SUPT5H: variants seen among roughly 807,000 people sequenced by gnomAD.
The protein encoded by SUPT5H is transcription elongation factor SPT5.
In SUPT5H, 24 loss-of-function variants were observed where a neutral mutation model predicts 142.5. That is an observed-to-expected ratio of 0.17 (90% CI 0.12 to 0.24). The LOEUF (loss-of-function observed/expected upper bound fraction) is 0.24. Among genes scored for constraint, SUPT5H ranks in the 10% least tolerant of loss-of-function variants. The probability of loss-of-function intolerance (pLI) is 1.00; values close to 1 mark genes in which losing one functional copy is unlikely to be tolerated. For synonymous variants in SUPT5H, 546 were observed against 553.0 expected (o/e 0.99, Z 0.18); for missense variants, 893 against 1,471.8 (o/e 0.61, Z 6.43).
At chr19:39,454,823 A>G (rs1479939114) in intron 3 of SUPT5H, among the ~76,000 whole-genome samples, 1 of 152,078 alleles carries the variant, frequency 6.6e-6, no homozygotes, top group Non-Finnish European at 1.5e-5. Context: ...TGAGAAGAAA[A>G]GTAGTTTATT....
chr19:39,452,881 C>T (rs991414135), intron 2 of SUPT5H, among the ~76,000 whole-genome samples: 8 of 151,836 alleles, frequency 5.3e-5, no homozygotes, highest in Admixed American at 1.3e-4. Flanking sequence ...GGTGTGGTGG[C>T]GCACACCTGT....
chr19:39,454,445 A>G (rs755438873), intron 3 of SUPT5H, among the ~76,000 whole-genome samples: 1 of 148,646 alleles, frequency 6.7e-6, no homozygotes. Context: ...CCTGGGTTCA[A>G]CTGTTTCTCC....
In SUPT5H at chr19:39,469,221, T is replaced by C; in HGVS notation, c.1238-41T>C. On this transcript the variant is annotated intron_variant, in intron 15 of 29. Coordinates refer to ENST00000432763, the MANE Select transcript of SUPT5H (RefSeq NM_001111020.3). The surrounding 1 kb of genome is among the most constrained non-coding windows in gnomAD (Gnocchi z 5.1). ...TGGGCCAAGGAGCAGGGGCGGCCCATGGTGGCAACCCCCGAGTCAGCCCTA... is the reference window on the plus strand; with the variant it reads ...TGGGCCAAGGAGCAGGGGCGGCCCACGGTGGCAACCCCCGAGTCAGCCCTA... 1 of 1,614,074 alleles carries C rather than the reference T, an allele frequency of 6.2e-7. No homozygotes were observed. Among genetic ancestry groups the C allele is most frequent in the Non-Finnish European group, 8.5e-7 (1 of 1,179,980 alleles).
At chr19:39,475,814 C>G in intron 28 of SUPT5H, 1 of 476,608 alleles carries the variant, frequency 2.1e-6, no homozygotes, top group Non-Finnish European at 3.8e-6. Flanking sequence ...GACGCTGAGG[C>G]CAGTTTGGGA....
Position 39,472,780 on chromosome 19 carries a change from G to A in SUPT5H, c.2036-30G>A. 6.2e-7 allele frequency: 1 copy of A among 1,600,524 alleles called. No individual in the cohort carries two copies. The highest frequency in any genetic ancestry group is 8.5e-7 in the Non-Finnish European group (1 of 1,172,778). On this transcript the variant is annotated intron_variant, in intron 21 of 29. Transcript: ENST00000432763. This position sits in a 1 kb window ranked among gnomAD's most constrained non-coding sequence, Gnocchi z 4.2. ...GCCCTTGCTGTGGGCACAGCCGTGG[G>A]GGACCAGTGACATTCTCCCCAATCC...
chr19:39,468,177 A>C (rs1408209794), intron 13 of SUPT5H: 1 of 152,790 alleles, frequency 6.5e-6, no homozygotes, highest in Non-Finnish European at 1.5e-5. Flanking sequence ...TGGGAGTCCC[A>C]CCTGCCTGCT....
At chr19:39,457,106 C>T (rs1414089430) in intron 3 of SUPT5H, among the ~76,000 whole-genome samples, 3 of 152,198 alleles carry the variant, frequency 2.0e-5, no homozygotes, top group Non-Finnish European at 2.9e-5. Flanking sequence ...ACCATGGAGC[C>T]AGACTGCCTC....
chr19:39,472,776 G>A lies in SUPT5H; in HGVS notation c.2036-34G>A, dbSNP rs200071339. Reference sequence around the variant, plus strand: ...TGGTGCCCTTGCTGTGGGCACAGCCGTGGGGGACCAGTGACATTCTCCCCA... The same window carrying A: ...TGGTGCCCTTGCTGTGGGCACAGCCATGGGGGACCAGTGACATTCTCCCCA... On this transcript the variant is annotated intron_variant, in intron 21 of 29. Transcript: ENST00000432763. The surrounding 1 kb of genome is among the most constrained non-coding windows in gnomAD (Gnocchi z 4.2). The A allele has an allele frequency of 3.5e-5, 56 of 1,597,914 alleles. No individual in the cohort carries two copies. In the East Asian group the frequency reaches 6.7e-4, roughly 19 times the overall value.
Position 39,472,411 on chromosome 19 carries a change from C to G in SUPT5H, c.1953C>G (p.Pro651=), listed in dbSNP as rs772630739. The change falls in exon 21 of 30, where the codon CCC becomes CCG. Residue 651 remains proline (P), a splice_region_variant and synonymous_variant. Coordinates refer to ENST00000432763, the MANE Select transcript of SUPT5H (RefSeq NM_001111020.3). This position sits in a 1 kb window ranked among gnomAD's most constrained non-coding sequence, Gnocchi z 4.2. The part of the protein sequence containing the change: ...RHLVLAGGSK[P]RDVTNFTVGG... ...TTCACTCCTTGCTTCTATCCTAGCCCCGTGATGTGACCAACTTCACCGTGG... is the reference window on the plus strand; with the variant it reads ...TTCACTCCTTGCTTCTATCCTAGCCGCGTGATGTGACCAACTTCACCGTGG... 2 of 1,614,076 alleles carry G rather than the reference C, an allele frequency of 1.2e-6. No homozygotes were observed. The highest frequency in any genetic ancestry group is 1.7e-6 in the Non-Finnish European group (2 of 1,179,968).
At chr19:39,460,004 A>G in intron 10 of SUPT5H, 44 bp downstream of exon 10, 2 of 1,597,754 alleles carry the variant, frequency 1.3e-6, no homozygotes, top group Non-Finnish European at 1.7e-6. Flanking sequence ...ACATGGCAAC[A>G]CCCAGAGGGA....
intron 4 of SUPT5H, 182 bp downstream of exon 4, chr19:39,457,922 G>A (rs532679039): frequency 2.7e-5 from 30 of 1,118,014 alleles, no homozygotes; most frequent in Middle Eastern, 3.9e-4. Context: ...GCCCATGAGT[G>A]GGGGGTGGGG....
intron 3 of SUPT5H, among the ~76,000 whole-genome samples, chr19:39,456,707 C>T (rs1021180395): frequency 2.6e-5 from 4 of 152,084 alleles, no homozygotes; most frequent in Non-Finnish European, 5.9e-5. Flanking sequence ...CATGAGCCAC[C>T]GTGCCCAACC....
chr19:39,458,623 TCC>T lies in SUPT5H; in HGVS notation c.320-192_320-191del. 1 of 707,496 alleles carries T rather than the reference TCC, an allele frequency of 1.4e-6. No homozygotes were observed. Among genetic ancestry groups the T allele is most frequent in the Non-Finnish European group, 2.3e-6 (1 of 432,754 alleles). The allele number at this position is 707,496 out of a possible 1,614,324, so 43.8% of individuals were successfully genotyped here. A position where few individuals can be genotyped will look rare whatever the true frequency, so the allele number is the denominator to read the frequency against. ...AAGCCCCCCAACTTGCTGGGCCCCATCCCCAGTCTTTTTGACAAGAAGCAGGA... is the reference window on the plus strand; with the variant it reads ...AAGCCCCCCAACTTGCTGGGCCCCATCCAGTCTTTTTGACAAGAAGCAGGA... On this transcript the variant is annotated intron_variant, in intron 5 of 29. Coordinates refer to ENST00000432763, the MANE Select transcript of SUPT5H (RefSeq NM_001111020.3). The surrounding 1 kb of genome is among the most constrained non-coding windows in gnomAD (Gnocchi z 4.2).
At chr19:39,459,776 CT>C in intron 9 of SUPT5H, 115 bp from the exon 10 acceptor site, 1 of 1,289,416 alleles carries the variant, frequency 7.8e-7, no homozygotes, top group Non-Finnish European at 1.1e-6. Context: ...GTCCATCCTT[CT>C]TTCTCTCTCC....
At position 39,458,939 on chromosome 19, in the gene SUPT5H, G is replaced by C; in HGVS notation, c.389+52G>C. The C allele has an allele frequency of 6.2e-7, 1 of 1,613,962 alleles. No homozygotes were observed. The highest frequency in any genetic ancestry group is 8.5e-7 in the Non-Finnish European group (1 of 1,179,844). On this transcript the variant is annotated intron_variant, in intron 6 of 29. Transcript: ENST00000432763. The surrounding 1 kb of genome is among the most constrained non-coding windows in gnomAD (Gnocchi z 4.2). ...GATTGGCTCCTGTGGGGAGATTTGG[G>C]AGTAGGTCAGCCCACCTGCTGTCCT...
chr19:39,459,031 A>C lies in SUPT5H; in HGVS notation c.416A>C (p.Glu139Ala). The C allele has an allele frequency of 1.2e-6, 2 of 1,613,934 alleles. No homozygotes were observed. Among genetic ancestry groups the C allele is most frequent in the Non-Finnish European group, 1.7e-6 (2 of 1,180,006 alleles). ...GACCAGCGAGAAGAAGAACTGGGCGAGTATTACATGAAGAAATACGCCAAG... is the reference window on the plus strand; with the variant it reads ...GACCAGCGAGAAGAAGAACTGGGCGCGTATTACATGAAGAAATACGCCAAG... The part of the protein sequence containing the change: ...WRDQREEELG[E>A]YYMKKYAKSS... Residue 139 changes from glutamate to alanine, a missense_variant, in exon 7 of 30, where the codon GAG (glutamate) becomes GCG (alanine). Transcript: ENST00000432763.
At chr19:39,454,806 T>C (rs2079067193) in intron 3 of SUPT5H, among the ~76,000 whole-genome samples, 1 of 152,176 alleles carries the variant, frequency 6.6e-6, no homozygotes, top group South Asian at 2.1e-4. Context: ...CCTGGGACTG[T>C]TTTACCTGAG....
Position 39,474,929 on chromosome 19 carries a change from A to G in SUPT5H, c.3024+211A>G. ...GGGAGGGCTGCCTGGGGAAGGAGAA[A>G]TCTGAGCCAAGACCTGACAAATGAA... On this transcript the variant is annotated intron_variant, in intron 28 of 29. Coordinates refer to ENST00000432763, the MANE Select transcript of SUPT5H (RefSeq NM_001111020.3). The surrounding 1 kb of genome is among the most constrained non-coding windows in gnomAD (Gnocchi z 6.5). 4.9e-6 allele frequency: 3 copies of G among 611,836 alleles called. No homozygotes were observed. Among genetic ancestry groups the G allele is most frequent in the Non-Finnish European group, 8.6e-6 (3 of 347,984 alleles). 37.9% of individuals were successfully genotyped at this position (611,836 alleles called of 1,614,324 possible).
Position 39,461,370 on chromosome 19 carries a change from G to A in SUPT5H, c.624+1410G>A, listed in dbSNP as rs111868426. The stretch of plus-strand genomic sequence containing the variant: ...CCTGTCATGGGTGAGATTGGGATTT[G>A]TGGGGTATGATTCCCCAACAGGGAG... On this transcript the variant is annotated intron_variant, in intron 10 of 29. Coordinates refer to ENST00000432763, the MANE Select transcript of SUPT5H (RefSeq NM_001111020.3). 1.9e-3 allele frequency among the ~76,000 whole-genome samples: 292 copies of A among 152,214 alleles called. 1 individual carries two copies. The highest frequency in any genetic ancestry group is 6.6e-3 in the African/African-American group (276 of 41,520).
Sources: gnomAD v4.1 joint callset for allele counts (sites outside exome capture counted in the v4.1 genomes callset) on GRCh38, gnomAD v4.1.1 for gene constraint, Gnocchi (gnomAD v3.1) non-coding constraint, MANE v1.5 for transcripts, NCBI Gene and HGNC (gene_info 2026-07-23, HGNC 2026-07-21) for gene names.